The following MGA variants were observed in gnomAD, a reference collection of about 807,000 sequenced individuals.
MGA encodes MAX dimerization protein MGA.
A neutral mutation model predicts 261.1 loss-of-function variants in MGA; 40 were observed. The observed-to-expected ratio is 0.15, with a 90% CI of 0.12 to 0.20. MGA has a LOEUF of 0.20. Ranked by LOEUF, MGA falls within the 10% of genes least tolerant of loss-of-function variation. The pLI, the probability that MGA is intolerant of heterozygous loss-of-function variation, is 1.00. For missense variants in MGA, 3,397 were observed against 3,630.5 expected, an observed-to-expected ratio of 0.94 and a Z score of 1.65; for synonymous variants, 1,302 against 1,290.6, an observed-to-expected ratio of 1.01 and a Z score of -0.19.
At chr15:41,631,654 G>A (rs2056590462) in intron 1 of MGA, among the ~76,000 whole-genome samples, 1 of 152,100 alleles carries the variant, frequency 6.6e-6, no homozygotes, top group Non-Finnish European at 1.5e-5. Flanking sequence ...CCACTTAAAG[G>A]GGTGGAGGGG....
chr15:41,624,858 T>G (rs2056407482), intron 1 of MGA, among the ~76,000 whole-genome samples: 1 of 152,184 alleles, frequency 6.6e-6, no homozygotes, highest in Admixed American at 6.5e-5. Context: ...TGAAATAGAA[T>G]GAGGCCAGGC....
chr15:41,765,674 C>T (rs781407432), intron 23 of MGA, among the ~76,000 whole-genome samples: 14 of 152,162 alleles, frequency 9.2e-5, no homozygotes, highest in Admixed American at 2.6e-4. Context: ...TCATTTTCTG[C>T]GCTAAGTAGC....
intron 1 of MGA, among the ~76,000 whole-genome samples, chr15:41,648,871 G>A (rs1470595979): frequency 6.6e-6 from 1 of 152,158 alleles, no homozygotes. Flanking sequence ...CCTTGATACT[G>A]TGTGGAGAAT....
intron 2 of MGA, among the ~76,000 whole-genome samples, chr15:41,680,150 C>G (rs914414223): frequency 1.3e-5 from 2 of 152,282 alleles, no homozygotes; most frequent in South Asian, 2.1e-4. Context: ...CTACTGTATT[C>G]CACCTCTGTG....
At chr15:41,657,467 C>T (rs192510689), upstream of MGA, among the ~76,000 whole-genome samples, 53 of 149,562 alleles carry the variant, frequency 3.5e-4, no homozygotes, top group Admixed American at 1.5e-3. Context: ...AATTCCCTTG[C>T]CTTAGCCTCC....
intron 2 of MGA, among the ~76,000 whole-genome samples, chr15:41,694,846 C>T (rs938274426): frequency 2.6e-5 from 4 of 152,148 alleles, no homozygotes; most frequent in African/African-American, 9.7e-5. Flanking sequence ...TTGTAGCTCA[C>T]TGCAGCCTCG....
chr15:41,716,989 A>G lies in MGA; in HGVS notation c.3430+3493A>G, dbSNP rs534947793. The stretch of plus-strand genomic sequence containing the variant: ...TGGACACTGTTATGCATAGCTCTCT[A>G]TGAAGGTTCTATCATTTAAACCTTC... On this transcript the variant is annotated intron_variant, in intron 9 of 23. Transcript: ENST00000219905. Among the ~76,000 whole-genome samples, 17 of 152,278 alleles carry G rather than the reference A, an allele frequency of 1.1e-4. No homozygotes were observed. The South Asian group carries it at 1.5e-3, about 13-fold the overall frequency.
intron 1 of MGA, among the ~76,000 whole-genome samples, chr15:41,648,170 GAT>G (rs1447096106): frequency 6.6e-6 from 1 of 152,176 alleles, no homozygotes; most frequent in Non-Finnish European, 1.5e-5. Context: ...AATATGCAGT[GAT>G]GCACAAAATA....
chr15:41,640,871 A>G (rs1256443907), intron 1 of MGA, among the ~76,000 whole-genome samples: 1 of 152,174 alleles, frequency 6.6e-6, no homozygotes. Flanking sequence ...AAATTTACCC[A>G]TTTAAAGTGT....
chr15:41,686,016 A>AT (rs2058939937), intron 2 of MGA, among the ~76,000 whole-genome samples: 1 of 149,498 alleles, frequency 6.7e-6, no homozygotes, highest in African/African-American at 2.5e-5. Flanking sequence ...AAAAAAAAAA[A>AT]AAATAATAAT....
Position 41,748,618 on chromosome 15 carries a change from T to G in MGA, c.5213-19T>G. The stretch of plus-strand genomic sequence containing the variant: ...TAAAGGGGAATTTGGGTACCATGTT[T>G]CCATTTCCTGTTTTTCAGAAAATGC... On this transcript the variant is annotated intron_variant, in intron 15 of 23. Coordinates refer to ENST00000219905, the MANE Select transcript of MGA (RefSeq NM_001164273.2). The G allele has an allele frequency of 6.2e-7, 1 of 1,604,174 alleles. No individual in the cohort carries two copies. The highest frequency in any genetic ancestry group is 8.5e-7 in the Non-Finnish European group (1 of 1,173,914).
intron 2 of MGA, among the ~76,000 whole-genome samples, chr15:41,690,330 A>G (rs970901779): frequency 9.2e-5 from 14 of 152,236 alleles, no homozygotes; most frequent in African/African-American, 3.4e-4. Context: ...TTTTTTATTC[A>G]TCAGTTGGAC....
intron 14 of MGA, among the ~76,000 whole-genome samples, chr15:41,741,603 T>A (rs2062107411): frequency 1.3e-5 from 2 of 152,214 alleles, no homozygotes; most frequent in Admixed American, 1.3e-4. Flanking sequence ...CATTTTCTTT[T>A]ATCTGTATTA....
chr15:41,764,772 G>A (rs1288939302), intron 22 of MGA, 114 bp from the exon 23 acceptor site: 13 of 1,044,542 alleles, frequency 1.2e-5, no homozygotes, highest in East Asian at 2.6e-5. Context: ...TTGAACTCCT[G>A]GGCTCAAGTG....
chr15:41,711,843 A>G (rs2060403944), intron 8 of MGA, among the ~76,000 whole-genome samples: 1 of 152,044 alleles, frequency 6.6e-6, no homozygotes, highest in African/African-American at 2.4e-5. Flanking sequence ...CTATAGGCAC[A>G]TACCACTGCA....
chr15:41,753,397 G>T (rs1165708604), intron 17 of MGA, among the ~76,000 whole-genome samples: 2 of 150,714 alleles, frequency 1.3e-5, no homozygotes, highest in African/African-American at 4.9e-5. Flanking sequence ...TTTTTTGAGG[G>T]GGCACAGAAA....
chr15:41,652,675 A>C (rs770222810), intron 1 of MGA, among the ~76,000 whole-genome samples: 1 of 150,952 alleles, frequency 6.6e-6, no homozygotes, highest in Admixed American at 6.6e-5. Flanking sequence ...GTATGTTTCT[A>C]TAGTGTTCCA....
chr15:41,765,078 TGTC>T lies in MGA; in HGVS notation c.7921+17_7921+19del. 6.2e-7 allele frequency: 1 copy of T among 1,613,198 alleles called. No individual in the cohort carries two copies. On this transcript the variant is annotated intron_variant, in intron 23 of 23. Transcript: ENST00000219905. ...GCTCTACCAGGTATGTTGTAAGTGT[TGTC>T]CTCTATGGGAAGTGATAAAGTTATC... is the stretch of plus-strand genomic sequence containing the variant.
At chr15:41,754,854 TC>T (rs1448982345) in intron 18 of MGA, among the ~76,000 whole-genome samples, 1 of 152,208 alleles carries the variant, frequency 6.6e-6, no homozygotes, top group Non-Finnish European at 1.5e-5. Flanking sequence ...CTTGGGCAAA[TC>T]TTTAATCTCT....
Sources: allele counts gnomAD v4.1 joint callset (sites outside exome capture counted in the v4.1 genomes callset), GRCh38; gene constraint gnomAD v4.1.1; transcripts MANE v1.5; gene names NCBI Gene and HGNC (gene_info 2026-07-23, HGNC 2026-07-21).